GSDMB: variants seen among roughly 807,000 people sequenced by gnomAD.
GSDMB encodes gasdermin B.
GSDMB carries 32 observed loss-of-function variants against 42.9 expected under a neutral mutation model. The ratio of observed to expected loss-of-function variants is 0.75; its 90% CI spans 0.56 to 1.00. The LOEUF is 1.00. Ranked by LOEUF, GSDMB falls within the 50% of genes least tolerant of loss-of-function variation. The probability of loss-of-function intolerance (pLI) is 0.00; values close to 1 mark genes in which losing one functional copy is unlikely to be tolerated. For synonymous variants in GSDMB, 175 were observed against 193.7 expected (o/e 0.90, Z 0.80); for missense variants, 468 against 498.5 (o/e 0.94, Z 0.58).
rs2063721761 is a variant in GSDMB at position 39,916,937 on chromosome 17, A to T, written c.235+145T>A. The T allele has an allele frequency of 1.2e-5, 7 of 606,438 alleles. No individual in the cohort carries two copies. The South Asian group carries it at 1.5e-4, about 13-fold the overall frequency. The allele number at this position is 606,438 out of a possible 1,614,324, so 37.6% of individuals were successfully genotyped here. Reference sequence around the variant, plus strand: ...CTCCCACCATGCAGCTCTTCCGTGCATTTCTTAAATTAAGGTGTGTGGATG... The same window carrying T: ...CTCCCACCATGCAGCTCTTCCGTGCTTTTCTTAAATTAAGGTGTGTGGATG... On this transcript the variant is annotated intron_variant, in intron 2 of 10. Transcript: ENST00000418519.
At chr17:39,910,861 A>C (rs2063594661) in intron 3 of GSDMB, among the ~76,000 whole-genome samples, 3 of 152,054 alleles carry the variant, frequency 2.0e-5, no homozygotes, top group Admixed American at 1.3e-4. Context: ...CAATACCCTC[A>C]CCTGACAAAC....
chr17:39,911,386 C>T (rs1308063871), intron 3 of GSDMB, among the ~76,000 whole-genome samples: 4 of 151,702 alleles, frequency 2.6e-5, no homozygotes, highest in Non-Finnish European at 5.9e-5. Context: ...AGAGCAAGGC[C>T]AGGAAAACTG....
At chr17:39,916,009 G>A (rs1237202904) in intron 2 of GSDMB, among the ~76,000 whole-genome samples, 3 of 152,120 alleles carry the variant, frequency 2.0e-5, no homozygotes, top group South Asian at 2.1e-4. Context: ...CTCCAAGTGA[G>A]AGTTCAACAC....
chr17:39,915,284 T>C (rs955248968), intron 2 of GSDMB, among the ~76,000 whole-genome samples: 1 of 152,266 alleles, frequency 6.6e-6, no homozygotes, highest in Non-Finnish European at 1.5e-5. Context: ...ATGCACACTT[T>C]AACTGCACCA....
intron 3 of GSDMB, among the ~76,000 whole-genome samples, chr17:39,911,743 T>G (rs1404704176): frequency 1.3e-5 from 2 of 151,966 alleles, no homozygotes; most frequent in Non-Finnish European, 2.9e-5. Context: ...AAGACGAACA[T>G]GGAAGCCACT....
intron 2 of GSDMB, among the ~76,000 whole-genome samples, chr17:39,914,748 C>T (rs994889036): frequency 4.6e-5 from 5 of 109,730 alleles, no homozygotes; most frequent in African/African-American, 1.2e-4. Context: ...GGCAATAGAG[C>T]GACACTCCAT....
intron 2 of GSDMB, among the ~76,000 whole-genome samples, chr17:39,913,468 T>G (rs1200353750): frequency 6.6e-6 from 1 of 151,894 alleles, no homozygotes. Flanking sequence ...ACCAAATTAG[T>G]CGGGGGTGGT....
chr17:39,914,831 C>T (rs1320236958), intron 2 of GSDMB, among the ~76,000 whole-genome samples: 1 of 90,836 alleles, frequency 1.1e-5, no homozygotes, highest in Non-Finnish European at 2.1e-5. Context: ...ATCCTATGCA[C>T]ACTTTTTTTT....
Position 39,917,283 on chromosome 17 carries a change from CA to C in GSDMB, c.33del (p.Ile11MetfsTer2). Reference sequence around the variant, plus strand: ...CCTCCAGCATCCATCTCCTTAACTACAATTCTTGTGATTTCCTCAAATACGC... The same window carrying C: ...CCTCCAGCATCCATCTCCTTAACTACATTCTTGTGATTTCCTCAAATACGC... MFSVFEEITR[I>X]VVKEMDAGGD... On this transcript the variant is annotated frameshift_variant, in exon 2 of 11. Coordinates refer to ENST00000418519, the MANE Select transcript of GSDMB (RefSeq NM_001165958.2). LOFTEE classifies it high-confidence loss of function. 1 of 1,613,552 alleles carries C rather than the reference CA, an allele frequency of 6.2e-7. No homozygotes were observed. The highest frequency in any genetic ancestry group is 8.5e-7 in the Non-Finnish European group (1 of 1,179,448).
In GSDMB at chr17:39,911,743, T is replaced by C. The variant is rs1404704176; in HGVS notation, c.407+583A>G. 3.9e-5 allele frequency among the ~76,000 whole-genome samples: 6 copies of C among 152,084 alleles called. No individual in the cohort carries two copies. In the South Asian group the frequency reaches 1.2e-3, roughly 32 times the overall value. On this transcript the variant is annotated intron_variant, in intron 3 of 10. Transcript: ENST00000418519. ...TCCAGTCCAGTGGGAAAGACGAACATGGAAGCCACTGGCTTGCCCACAAGG... is the reference window on the plus strand; with the variant it reads ...TCCAGTCCAGTGGGAAAGACGAACACGGAAGCCACTGGCTTGCCCACAAGG...
At chr17:39,905,748 G>T (rs1458367938) in intron 9 of GSDMB, 99 bp downstream of exon 9, 2 of 1,345,422 alleles carry the variant, frequency 1.5e-6, no homozygotes, top group African/African-American at 2.9e-5. Flanking sequence ...CATAAACTGT[G>T]AAGAGCAACA....
chr17:39,907,014 G>C, intron 6 of GSDMB, 27 bp from the exon 7 acceptor site: 3 of 1,613,708 alleles, frequency 1.9e-6, no homozygotes, highest in Non-Finnish European at 2.5e-6. Context: ...AGTTATTTCA[G>C]AATCTTCAGA....
intron 2 of GSDMB, among the ~76,000 whole-genome samples, chr17:39,913,556 C>T (rs6503524): frequency 0.6 from 90,798 of 152,046 alleles, 28,359 homozygotes; most frequent in African/African-American, 0.79. Flanking sequence ...GAAGCAAAGA[C>T]TGCAGTGAGC....
At chr17:39,911,549 G>A (rs372703453) in intron 3 of GSDMB, among the ~76,000 whole-genome samples, 6 of 152,068 alleles carry the variant, frequency 3.9e-5, no homozygotes, top group Admixed American at 2.0e-4. Context: ...GCACTGGATC[G>A]GTGCCACCCT....
intron 5 of GSDMB, 117 bp downstream of exon 5, chr17:39,908,841 A>C: frequency 9.9e-6 from 7 of 705,268 alleles, no homozygotes; most frequent in Admixed American, 2.4e-5. Context: ...ACCCCTCCCC[A>C]ACCTCCAAGC....
intron 3 of GSDMB, among the ~76,000 whole-genome samples, chr17:39,911,679 A>G (rs1374051969): frequency 3.9e-5 from 6 of 152,154 alleles, no homozygotes; most frequent in Non-Finnish European, 8.8e-5. Context: ...GGGTCAATAC[A>G]GAGAGGTTAG....
intron 6 of GSDMB, 129 bp from the exon 7 acceptor site, chr17:39,907,116 C>T: frequency 6.6e-7 from 1 of 1,524,392 alleles, no homozygotes; most frequent in Non-Finnish European, 8.8e-7. Flanking sequence ...AGGGAGCCTG[C>T]ATCCTCACCA....
At chr17:39,915,379 T>C (rs1192888399) in intron 2 of GSDMB, among the ~76,000 whole-genome samples, 2 of 152,226 alleles carry the variant, frequency 1.3e-5, no homozygotes, top group African/African-American at 4.8e-5. Flanking sequence ...ATTCCCATCA[T>C]TGTAAGGATT....
chr17:39,912,288 T>G, intron 3 of GSDMB, 38 bp downstream of exon 3: 1 of 1,528,088 alleles, frequency 6.5e-7, no homozygotes, highest in Non-Finnish European at 9.0e-7. Context: ...AAGATGGGCT[T>G]CTTCCCCTCC....
Sources: allele counts gnomAD v4.1 joint callset (sites outside exome capture counted in the v4.1 genomes callset), GRCh38; gene constraint gnomAD v4.1.1; transcripts MANE v1.5; gene names NCBI Gene and HGNC (gene_info 2026-07-23, HGNC 2026-07-21).